MAN2A1: variants seen among roughly 807,000 people sequenced by gnomAD.
MAN2A1 encodes alpha-mannosidase 2.
A neutral mutation model predicts 142.6 loss-of-function variants in MAN2A1; 76 were observed. The observed-to-expected ratio is 0.53, with a 90% CI of 0.44 to 0.65. The LOEUF is 0.65. Among genes scored for constraint, MAN2A1 ranks in the 30% least tolerant of loss-of-function variants. MAN2A1 has a pLI of 0.00. For synonymous variants in MAN2A1, 559 were observed against 473.2 expected, an observed-to-expected ratio of 1.18 and a Z score of -2.35; for missense variants, 1,311 against 1,365.1, an observed-to-expected ratio of 0.96 and a Z score of 0.62.
intron 16 of MAN2A1, among the ~76,000 whole-genome samples, chr5:109,831,804 C>A (rs1580298038): frequency 6.7e-6 from 1 of 148,400 alleles, no homozygotes. Flanking sequence ...AAACAAAAAT[C>A]ATGTGTGTGT....
chr5:109,804,015 G>A (rs1754099129), intron 12 of MAN2A1: 1 of 208,798 alleles, frequency 4.8e-6, no homozygotes. Context: ...TTTCCTCCCA[G>A]TGTCCATCAT....
chr5:109,726,068 A>G (rs191740635), intron 3 of MAN2A1, among the ~76,000 whole-genome samples: 1 of 152,258 alleles, frequency 6.6e-6, no homozygotes, highest in Non-Finnish European at 1.5e-5. Flanking sequence ...AATAAATTGA[A>G]AGGTATTCTT....
chr5:109,821,367 A>T (rs901196710), intron 15 of MAN2A1, among the ~76,000 whole-genome samples: 14 of 152,186 alleles, frequency 9.2e-5, no homozygotes, highest in Admixed American at 2.6e-4. Context: ...ATAACATTGT[A>T]ATAAGCTTTC....
intron 1 of MAN2A1, among the ~76,000 whole-genome samples, chr5:109,705,473 C>T (rs1382273171): frequency 1.3e-5 from 2 of 152,134 alleles, no homozygotes; most frequent in African/African-American, 4.8e-5. Flanking sequence ...CACGGCCTCA[C>T]CCTCCATTGC....
chr5:109,773,856 GT>G (rs1399015809), intron 7 of MAN2A1, among the ~76,000 whole-genome samples: 6 of 152,138 alleles, frequency 3.9e-5, no homozygotes, highest in Admixed American at 3.9e-4. Flanking sequence ...GATCCTTGAA[GT>G]GAAAATTATA....
intron 5 of MAN2A1, among the ~76,000 whole-genome samples, chr5:109,760,470 A>G (rs1451598580): frequency 1.3e-5 from 2 of 152,160 alleles, no homozygotes; most frequent in African/African-American, 4.8e-5. Flanking sequence ...TTATGGTTGA[A>G]TGATTTATAA....
At chr5:109,825,401 A>G (rs757048518) in intron 16 of MAN2A1, among the ~76,000 whole-genome samples, 17 of 152,230 alleles carry the variant, frequency 1.1e-4, no homozygotes, top group Admixed American at 2.6e-4. Context: ...GAGATGGGCT[A>G]TGTCTCAGAG....
intron 12 of MAN2A1, among the ~76,000 whole-genome samples, chr5:109,801,496 C>G (rs184476157): frequency 8.5e-5 from 13 of 152,218 alleles, no homozygotes; most frequent in African/African-American, 3.1e-4. Flanking sequence ...TAAGCTATGA[C>G]TGTTGCCATC....
chr5:109,728,419 A>G (rs1478349089), intron 3 of MAN2A1, among the ~76,000 whole-genome samples: 2 of 152,096 alleles, frequency 1.3e-5, no homozygotes, highest in African/African-American at 4.8e-5. Flanking sequence ...ACTTCTCCTT[A>G]TACGATTTTT....
intron 16 of MAN2A1, among the ~76,000 whole-genome samples, chr5:109,834,097 C>G (rs148497735): frequency 6.6e-6 from 1 of 152,240 alleles, no homozygotes; most frequent in Non-Finnish European, 1.5e-5. Flanking sequence ...TATGAGGAAT[C>G]TTTTCCTGCC....
chr5:109,805,397 A>G (rs1482224617), intron 12 of MAN2A1, among the ~76,000 whole-genome samples: 2 of 152,232 alleles, frequency 1.3e-5, no homozygotes, highest in Non-Finnish European at 2.9e-5. Context: ...GGTCTTAGAA[A>G]TGCTTTTTGC....
chr5:109,843,817 C>T (rs1163066308), intron 17 of MAN2A1, among the ~76,000 whole-genome samples: 1 of 152,032 alleles, frequency 6.6e-6, no homozygotes. Context: ...TGTTTGATAA[C>T]ATATCTTTGA....
intron 12 of MAN2A1, among the ~76,000 whole-genome samples, chr5:109,811,984 C>T (rs1043572509): frequency 5.3e-5 from 8 of 152,076 alleles, no homozygotes; most frequent in Non-Finnish European, 7.4e-5. Flanking sequence ...GGATTTATGA[C>T]AGCTCATTGA....
intron 12 of MAN2A1, 71 bp from the exon 13 acceptor site, chr5:109,817,192 ATATGTATATC>A: frequency 8.4e-7 from 1 of 1,184,438 alleles, no homozygotes; most frequent in Non-Finnish European, 1.2e-6. Flanking sequence ...ATGTATATGT[ATATGTATATC>A]TACATGTATA....
In MAN2A1 at chr5:109,847,678, A is replaced by T; in HGVS notation, c.2864A>T (p.Asp955Val). The change falls in exon 19 of 22, where the codon GAT becomes GTT. Residue 955 changes from aspartate to valine, a missense_variant. Asp to Val is a radical substitution (Grantham distance 152, BLOSUM62 -3). This residue lies in a region of MAN2A1 where 890 missense variants were observed against 920.5 expected (regional missense o/e 0.97). Coordinates refer to ENST00000261483, the MANE Select transcript of MAN2A1 (RefSeq NM_002372.4). ...TTAGGTCAGATTGAAGTTATCATGG[A>T]TCGAAGACTCATGCAAGATGATAAT... ...LNSGQIEVIM[D>V]RRLMQDDNRG... 1.3e-6 allele frequency: 2 copies of T among 1,577,392 alleles called. No homozygotes were observed. Among genetic ancestry groups the T allele is most frequent in the Non-Finnish European group, 1.7e-6 (2 of 1,162,012 alleles).
rs528417614 is a variant in MAN2A1, at chr5:109,835,433, C to A, written c.2567-6895C>A. Among the ~76,000 whole-genome samples, 4 of 152,302 alleles carry A rather than the reference C, an allele frequency of 2.6e-5. No homozygotes were observed. The South Asian group carries it at 8.3e-4, about 32-fold the overall frequency. On this transcript the variant is annotated intron_variant, in intron 16 of 21. Coordinates refer to ENST00000261483, the MANE Select transcript of MAN2A1 (RefSeq NM_002372.4). Reference sequence around the variant, plus strand: ...GTATTTTTAAGACACTCAGACATTTCTTTGAATCTTAGATGGGTGTTTTGG... The same window carrying A: ...GTATTTTTAAGACACTCAGACATTTATTTGAATCTTAGATGGGTGTTTTGG...
chr5:109,848,123 A>G (rs1035017009), intron 19 of MAN2A1, among the ~76,000 whole-genome samples: 6 of 152,270 alleles, frequency 3.9e-5, no homozygotes, highest in African/African-American at 1.4e-4. Flanking sequence ...GAACTTAGTC[A>G]TATACTTAGG....
At chr5:109,814,341 A>G (rs1048653783) in intron 12 of MAN2A1, among the ~76,000 whole-genome samples, 2 of 152,208 alleles carry the variant, frequency 1.3e-5, no homozygotes, top group Non-Finnish European at 2.9e-5. Context: ...CAGTATAACA[A>G]ATGTTTGACT....
At chr5:109,823,255 A>G (rs1048020985) in intron 15 of MAN2A1, among the ~76,000 whole-genome samples, 1 of 152,182 alleles carries the variant, frequency 6.6e-6, no homozygotes, top group African/African-American at 2.4e-5. Context: ...AAACCGAGCT[A>G]TGATTAAACT....
Sources: allele counts gnomAD v4.1 joint callset (sites outside exome capture counted in the v4.1 genomes callset), GRCh38; gene constraint gnomAD v4.1.1; regional missense constraint gnomAD v4.1.1; transcripts MANE v1.5; gene names NCBI Gene and HGNC (gene_info 2026-07-23, HGNC 2026-07-21).